Variants in PTPRD observed in about 807,000 individuals in gnomAD.
PTPRD encodes protein tyrosine phosphatase receptor type D.
In PTPRD, 34 loss-of-function variants were observed where a neutral mutation model predicts 214.5. The ratio of observed to expected loss-of-function variants is 0.16; its 90% confidence interval spans 0.12 to 0.21. The LOEUF is 0.21. PTPRD is among the 10% of genes least tolerant of loss of function. The probability of loss-of-function intolerance (pLI) is 1.00; values close to 1 mark genes in which losing one functional copy is unlikely to be tolerated. For synonymous variants in PTPRD, 1,128 were observed against 845.7 expected, an observed-to-expected ratio of 1.33 and a Z score of -5.79; for missense variants, 2,545 against 2,398.7, an observed-to-expected ratio of 1.06 and a Z score of -1.27.
At chr9:9,239,033 T>C (rs188341139) in intron 9 of PTPRD, among the ~76,000 whole-genome samples, 13 of 152,286 alleles carry the variant, frequency 8.5e-5, no homozygotes, top group African/African-American at 2.6e-4. Flanking sequence ...GCTCTGATAA[T>C]AGGCAAATAT....
At chr9:8,786,999 G>A (rs181737065) in intron 11 of PTPRD, among the ~76,000 whole-genome samples, 69 of 152,158 alleles carry the variant, frequency 4.5e-4, no homozygotes, top group Non-Finnish European at 7.8e-4. Flanking sequence ...ACCACGCCCA[G>A]CTAATATTTT....
intron 30 of PTPRD, among the ~76,000 whole-genome samples, chr9:8,483,886 C>G (rs1245175819): frequency 6.6e-6 from 1 of 152,330 alleles, no homozygotes; most frequent in South Asian, 2.1e-4. Context: ...CTAAATAACA[C>G]TGTCCCTGCA....
intron 7 of PTPRD, among the ~76,000 whole-genome samples, chr9:9,731,551 C>G (rs1357077618): frequency 6.6e-6 from 1 of 152,004 alleles, no homozygotes; most frequent in East Asian, 1.9e-4. Context: ...TGTTGGTATG[C>G]TGCACCCATT....
intron 7 of PTPRD, among the ~76,000 whole-genome samples, chr9:9,664,979 T>C (rs942043090): frequency 1.6e-4 from 24 of 151,760 alleles, no homozygotes; most frequent in African/African-American, 5.8e-4. Context: ...TTTTTATATT[T>C]GATTACCAGC....
intron 3 of PTPRD, among the ~76,000 whole-genome samples, chr9:10,119,324 T>G (rs74903325): frequency 6.6e-6 from 1 of 151,988 alleles, no homozygotes; most frequent in Non-Finnish European, 1.5e-5. Flanking sequence ...GATTCTAAAG[T>G]TATTATCTTA....
intron 8 of PTPRD, among the ~76,000 whole-genome samples, chr9:9,458,599 T>C (rs1261542463): frequency 3.3e-5 from 5 of 152,094 alleles, no homozygotes; most frequent in Non-Finnish European, 7.4e-5. Flanking sequence ...TTGTTGCTGT[T>C]GTTTCCCCAA....
At chr9:10,151,074 T>TC (rs2099057529) in intron 3 of PTPRD, among the ~76,000 whole-genome samples, 1 of 147,820 alleles carries the variant, frequency 6.8e-6, no homozygotes, top group African/African-American at 2.5e-5. Context: ...TTTTTTTTTT[T>TC]TTTTGAGACA....
intron 11 of PTPRD, among the ~76,000 whole-genome samples, chr9:8,988,002 T>A (rs1288350183): frequency 2.0e-5 from 3 of 147,912 alleles, no homozygotes; most frequent in African/African-American, 7.5e-5. Flanking sequence ...GGAAGTGGAG[T>A]GAAAGCAAAA....
intron 33 of PTPRD, 142 bp from the exon 34 acceptor site, chr9:8,449,979 T>G: frequency 1.3e-6 from 1 of 758,440 alleles, no homozygotes; most frequent in African/African-American, 1.8e-5. Context: ...TGTGACCCAG[T>G]TCGGGTTGCT....
At chr9:9,850,855 T>C (rs1462923208) in intron 5 of PTPRD, among the ~76,000 whole-genome samples, 3 of 152,170 alleles carry the variant, frequency 2.0e-5, no homozygotes, top group Non-Finnish European at 4.4e-5. Context: ...TCTCCACTGA[T>C]AATCACCATT....
chr9:9,440,082 T>C (rs570856107), intron 8 of PTPRD, among the ~76,000 whole-genome samples: 32 of 152,322 alleles, frequency 2.1e-4, no homozygotes, highest in Non-Finnish European at 3.7e-4. Flanking sequence ...CTTAATCTGA[T>C]TGAATTCTGC....
At chr9:8,376,343 T>G (rs2083246580) in intron 38 of PTPRD, among the ~76,000 whole-genome samples, 1 of 152,064 alleles carries the variant, frequency 6.6e-6, no homozygotes. Context: ...AGAGCTCCTA[T>G]CACATTTTAC....
chr9:9,382,361 A>G (rs142046848), intron 9 of PTPRD, among the ~76,000 whole-genome samples: 1 of 152,294 alleles, frequency 6.6e-6, no homozygotes, highest in African/African-American at 2.4e-5. Flanking sequence ...TATGCACAGC[A>G]AAGAAATAAT....
chr9:9,362,692 A>G (rs1312318244), intron 9 of PTPRD, among the ~76,000 whole-genome samples: 1 of 151,248 alleles, frequency 6.6e-6, no homozygotes, highest in African/African-American at 2.4e-5. Flanking sequence ...GCCTGCCAAT[A>G]GAATAACTAT....
In PTPRD at chr9:9,994,965, A is replaced by G. The variant is rs554753281; in HGVS notation, c.-472+38753T>C. Among the ~76,000 whole-genome samples, 349 of 152,230 alleles carry G rather than the reference A, an allele frequency of 2.3e-3. 1 individual carries two copies. Among genetic ancestry groups the G allele is most frequent in the Middle Eastern group, 6.8e-3 (2 of 292 alleles). ...TATTTTAAATTAATATTCCTTTAGTACATTTAAAATTTAAAAGCTTAAAAA... is the reference window on the plus strand; with the variant it reads ...TATTTTAAATTAATATTCCTTTAGTGCATTTAAAATTTAAAAGCTTAAAAA... On this transcript the variant is annotated intron_variant, in intron 4 of 45. Transcript: ENST00000381196.
intron 10 of PTPRD, among the ~76,000 whole-genome samples, chr9:9,070,101 A>T (rs1343335456): frequency 1.3e-5 from 2 of 152,170 alleles, no homozygotes; most frequent in Admixed American, 1.3e-4. Context: ...GCTTAGGAGA[A>T]CAGCTGAGCT....
intron 11 of PTPRD, among the ~76,000 whole-genome samples, chr9:8,913,432 T>A (rs1215974645): frequency 6.6e-6 from 1 of 152,120 alleles, no homozygotes; most frequent in East Asian, 1.9e-4. Flanking sequence ...TAAAGCATTT[T>A]GCAACATCCA....
intron 3 of PTPRD, among the ~76,000 whole-genome samples, chr9:10,275,641 C>G (rs1004970322): frequency 1.3e-5 from 2 of 152,134 alleles, no homozygotes; most frequent in African/African-American, 4.8e-5. Flanking sequence ...TATCCATTCC[C>G]TCTCTTTCAA....
intron 5 of PTPRD, among the ~76,000 whole-genome samples, chr9:9,854,470 T>A: frequency 1.3e-5 from 2 of 152,098 alleles, no homozygotes; most frequent in Admixed American, 1.3e-4. Flanking sequence ...ACTTACAAGA[T>A]TCCCAAGAAT....
Sources: allele counts gnomAD v4.1 joint callset (sites outside exome capture counted in the v4.1 genomes callset), GRCh38; gene constraint gnomAD v4.1.1; transcripts MANE v1.5; gene names NCBI Gene and HGNC (gene_info 2026-07-23, HGNC 2026-07-21).